B3GALT1: variants seen among roughly 807,000 people sequenced by gnomAD.
The protein encoded by B3GALT1 is UDP-Gal:betaGlcNAc beta 1,3-galactosyltransferase, polypeptide 1.
B3GALT1 carries 10 observed loss-of-function variants against 23.2 expected under a neutral mutation model. The observed-to-expected ratio is 0.43, with a 90% confidence interval of 0.27 to 0.73. The LOEUF is 0.73. Among genes scored for constraint, B3GALT1 ranks in the 30% least tolerant of loss-of-function variants. B3GALT1 has a pLI of 0.21. For missense variants in B3GALT1, 299 were observed against 405.4 expected, an observed-to-expected ratio of 0.74 and a Z score of 2.25; for synonymous variants, 156 against 141.5, an observed-to-expected ratio of 1.10 and a Z score of -0.73.
intron 3 of B3GALT1, among the ~76,000 whole-genome samples, chr2:167,814,052 C>T (rs1404838542): frequency 6.6e-6 from 1 of 152,210 alleles, no homozygotes; most frequent in African/African-American, 2.4e-5. Flanking sequence ...TGTTATTCTA[C>T]TTCATTAGTA....
intron 3 of B3GALT1, among the ~76,000 whole-genome samples, chr2:167,675,020 T>C (rs1032986159): frequency 6.6e-6 from 1 of 152,204 alleles, no homozygotes; most frequent in African/African-American, 2.4e-5. Context: ...TACAGACACA[T>C]AACAGCCTTA....
intron 1 of B3GALT1, among the ~76,000 whole-genome samples, chr2:167,468,334 C>T (rs1699378198): frequency 6.6e-6 from 1 of 151,986 alleles, no homozygotes; most frequent in Non-Finnish European, 1.5e-5. Flanking sequence ...TTTCTCGTAA[C>T]ATAAATATAA....
At chr2:167,334,752 A>T (rs539230790) in intron 1 of B3GALT1, among the ~76,000 whole-genome samples, 1 of 152,298 alleles carries the variant, frequency 6.6e-6, no homozygotes, top group East Asian at 1.9e-4. Context: ...GAACACAGAG[A>T]TGTTTTAACA....
Position 167,485,198 on chromosome 2 carries a change from T to C in B3GALT1, c.-510-4979T>C, listed in dbSNP as rs150741081. 4.9e-3 allele frequency among the ~76,000 whole-genome samples: 740 copies of C among 152,294 alleles called. 2 individuals are homozygous for C. Among genetic ancestry groups the C allele is most frequent in the Middle Eastern group, 0.024 (7 of 294 alleles). On this transcript the variant is annotated intron_variant, in intron 1 of 4. Coordinates refer to ENST00000392690, the MANE Select transcript of B3GALT1 (RefSeq NM_020981.4). Reference sequence around the variant, plus strand: ...TTTATTTTTGGTTTACATGCATATATATTTTTTCATTAAATATCAAAATAT... The same window carrying C: ...TTTATTTTTGGTTTACATGCATATACATTTTTTCATTAAATATCAAAATAT...
intron 1 of B3GALT1, among the ~76,000 whole-genome samples, chr2:167,489,848 G>A (rs553789607): frequency 6.6e-6 from 1 of 152,102 alleles, no homozygotes; most frequent in Non-Finnish European, 1.5e-5. Flanking sequence ...AAGTGAGACC[G>A]CAGAATAAAA....
intron 3 of B3GALT1, among the ~76,000 whole-genome samples, chr2:167,653,684 G>C (rs1043190587): frequency 6.6e-6 from 1 of 151,998 alleles, no homozygotes; most frequent in Non-Finnish European, 1.5e-5. Context: ...CTCATTTGCC[G>C]AGCAGTACCT....
chr2:167,692,817 T>G (rs1686734969), intron 3 of B3GALT1, among the ~76,000 whole-genome samples: 1 of 152,146 alleles, frequency 6.6e-6, no homozygotes, highest in African/African-American at 2.4e-5. Context: ...TATCTTAATT[T>G]TTTTAATCAC....
At chr2:167,347,092 G>A (rs1697232645) in intron 1 of B3GALT1, among the ~76,000 whole-genome samples, 1 of 152,028 alleles carries the variant, frequency 6.6e-6, no homozygotes, top group Admixed American at 6.6e-5. Flanking sequence ...CTAAATATTA[G>A]GTAATCTTAA....
chr2:167,661,675 G>C (rs1483867525), intron 3 of B3GALT1, among the ~76,000 whole-genome samples: 1 of 152,038 alleles, frequency 6.6e-6, no homozygotes, highest in African/African-American at 2.4e-5. Context: ...TGCACCTCTG[G>C]TTGAGAATAA....
chr2:167,422,194 TTCTC>T (rs1159351281), intron 1 of B3GALT1, among the ~76,000 whole-genome samples: 4 of 151,294 alleles, frequency 2.6e-5, no homozygotes, highest in Admixed American at 1.3e-4. Flanking sequence ...TAAGAGAGCA[TTCTC>T]TCTCTCTGTC....
chr2:167,454,563 A>C (rs964343949), intron 1 of B3GALT1, among the ~76,000 whole-genome samples: 1 of 152,214 alleles, frequency 6.6e-6, no homozygotes, highest in Non-Finnish European at 1.5e-5. Flanking sequence ...CGTGGTTCAG[A>C]ATATGCCTAA....
intron 3 of B3GALT1, among the ~76,000 whole-genome samples, chr2:167,793,732 C>T (rs893913481): frequency 9.9e-5 from 15 of 152,162 alleles, no homozygotes; most frequent in Non-Finnish European, 1.5e-5. Context: ...AATTCAGCCC[C>T]CTAACCTAAT....
At chr2:167,318,886 T>C (rs1696760826) in intron 1 of B3GALT1, among the ~76,000 whole-genome samples, 1 of 152,070 alleles carries the variant, frequency 6.6e-6, no homozygotes, top group Non-Finnish European at 1.5e-5. Flanking sequence ...TACAGGATAG[T>C]AGGATCCCAG....
At chr2:167,828,740 T>G (rs947442554) in intron 4 of B3GALT1, among the ~76,000 whole-genome samples, 1 of 152,194 alleles carries the variant, frequency 6.6e-6, no homozygotes. Context: ...ATGATCCCAT[T>G]TGAGCTAGAA....
intron 3 of B3GALT1, among the ~76,000 whole-genome samples, chr2:167,670,589 C>G (rs1686307241): frequency 1.3e-5 from 2 of 152,214 alleles, no homozygotes; most frequent in South Asian, 4.1e-4. Flanking sequence ...AACTGTCTGG[C>G]AAGTAGTTCA....
At chr2:167,295,805 G>A (rs1696342394) in intron 1 of B3GALT1, among the ~76,000 whole-genome samples, 1 of 150,186 alleles carries the variant, frequency 6.7e-6, no homozygotes, top group African/African-American at 2.5e-5. Flanking sequence ...GTGTGTGTAT[G>A]GAACTTTTAC....
chr2:167,508,351 C>T (rs568078858), intron 2 of B3GALT1, among the ~76,000 whole-genome samples: 40 of 151,146 alleles, frequency 2.6e-4, no homozygotes, highest in Non-Finnish European at 5.3e-4. Context: ...CTCTGCCTCC[C>T]GGATTCACAC....
At position 167,685,645 on chromosome 2, in the gene B3GALT1, A is replaced by C. The variant is rs560086298; in HGVS notation, c.-352+38679A>C. Among the ~76,000 whole-genome samples the C allele has an allele frequency of 1.1e-4, 17 of 152,236 alleles. No homozygotes were observed. The South Asian group carries it at 3.3e-3, about 30-fold the overall frequency. On this transcript the variant is annotated intron_variant, in intron 3 of 4. Coordinates refer to ENST00000392690, the MANE Select transcript of B3GALT1 (RefSeq NM_020981.4). Reference sequence around the variant, plus strand: ...TAGAGAATAGAGAGTGATGCCCAAGAGGTAGAATATGAGTCAGAGAGAGAG... The same window carrying C: ...TAGAGAATAGAGAGTGATGCCCAAGCGGTAGAATATGAGTCAGAGAGAGAG...
chr2:167,708,123 A>G (rs1443546081), intron 3 of B3GALT1, among the ~76,000 whole-genome samples: 1 of 152,214 alleles, frequency 6.6e-6, no homozygotes, highest in Non-Finnish European at 1.5e-5. Flanking sequence ...TCTGCTCTGT[A>G]CTACATCTCA....
Sources: allele counts gnomAD v4.1 joint callset (sites outside exome capture counted in the v4.1 genomes callset), GRCh38; gene constraint gnomAD v4.1.1; transcripts MANE v1.5; gene names NCBI Gene and HGNC (gene_info 2026-07-23, HGNC 2026-07-21).